The following MAL2 variants were observed in gnomAD, a reference collection of about 807,000 sequenced individuals.
MAL2 encodes protein MAL2.
In MAL2, 17 loss-of-function variants were observed where a neutral mutation model predicts 18.1. That is an observed-to-expected ratio of 0.94 (90% CI 0.64 to 1.41). The LOEUF is 1.41. MAL2 is among the 40% of genes most tolerant of loss of function. The probability of loss-of-function intolerance (pLI) is 0.00; values close to 1 mark genes in which losing one functional copy is unlikely to be tolerated. For synonymous variants in MAL2, 102 were observed against 102.3 expected, an observed-to-expected ratio of 1.00 and a Z score of 0.02; for missense variants, 222 against 231.9, an observed-to-expected ratio of 0.96 and a Z score of 0.28.
intron 1 of MAL2, among the ~76,000 whole-genome samples, chr8:119,214,589 G>T (rs1817318103): frequency 6.6e-6 from 1 of 152,038 alleles, no homozygotes; most frequent in Non-Finnish European, 1.5e-5. Flanking sequence ...AAATCGAGAG[G>T]AATTATTATA....
intron 2 of MAL2, among the ~76,000 whole-genome samples, chr8:119,225,915 CTTCTT>C (rs1327061931): frequency 1.2e-4 from 19 of 152,126 alleles, no homozygotes; most frequent in Non-Finnish European, 2.5e-4. Flanking sequence ...GCATAAATGT[CTTCTT>C]TTGAGAAGTG....
chr8:119,242,435 T>C (rs777293842), intron 3 of MAL2, among the ~76,000 whole-genome samples: 1 of 152,174 alleles, frequency 6.6e-6, no homozygotes, highest in Middle Eastern at 3.2e-3. Flanking sequence ...ATCTCTAGTT[T>C]GAGTTTTATT....
At position 119,208,535 on chromosome 8, in the gene MAL2, C is replaced by T; in HGVS notation, c.63C>T (p.Pro21=). The T allele has an allele frequency of 7.2e-7, 1 of 1,394,212 alleles. No individual in the cohort carries two copies. The highest frequency in any genetic ancestry group is 9.3e-7 in the Non-Finnish European group (1 of 1,069,646). The allele number at this position is 1,394,212 out of a possible 1,614,324, so 86.4% of individuals were successfully genotyped here. The change falls in exon 1 of 4, where the codon CCC becomes CCT. Residue 21 remains proline (P), a synonymous_variant. Transcript: ENST00000614891. This position sits in a 1 kb window ranked among gnomAD's most constrained non-coding sequence, Gnocchi z 4.3. The stretch of plus-strand genomic sequence containing the variant: ...ACCCCGCCGTGTCCTTCCCGCCGCC[C>T]CGGGTCACCCTGCCCGCCGGCCCCG... The part of the protein sequence containing the change: ...PPNPAVSFPP[P]RVTLPAGPDI...
chr8:119,208,589 C>G lies in MAL2; in HGVS notation c.117C>G (p.Phe39Leu), dbSNP rs1452883949. The change falls in exon 1 of 4, where the codon TTC (phenylalanine) becomes TTG (leucine). Residue 39 changes from phenylalanine (F) to leucine (L), a missense_variant. Coordinates refer to ENST00000614891, the MANE Select transcript of MAL2 (RefSeq NM_052886.3). The surrounding 1 kb of genome is among the most constrained non-coding windows in gnomAD (Gnocchi z 4.3). ...PDILRTYSGA[F>L]VCLEILFGGL... ...TCCTGCGGACCTACTCGGGCGCCTTCGTCTGCCTGGAGATTGTAAGTGGGG... is the reference window on the plus strand; with the variant it reads ...TCCTGCGGACCTACTCGGGCGCCTTGGTCTGCCTGGAGATTGTAAGTGGGG... The G allele has an allele frequency of 7.2e-7, 1 of 1,380,660 alleles. No homozygotes were observed. The highest frequency in any genetic ancestry group is 9.4e-7 in the Non-Finnish European group (1 of 1,063,476). 85.5% of individuals were successfully genotyped at this position (1,380,660 alleles called of 1,614,324 possible).
At chr8:119,228,290 T>G (rs1817638549) in intron 2 of MAL2, among the ~76,000 whole-genome samples, 1 of 152,144 alleles carries the variant, frequency 6.6e-6, no homozygotes, top group Non-Finnish European at 1.5e-5. Flanking sequence ...TGCTGTATCC[T>G]CTGTCCTTGT....
chr8:119,231,662 A>G (rs1817732606), intron 2 of MAL2, among the ~76,000 whole-genome samples: 1 of 152,226 alleles, frequency 6.6e-6, no homozygotes, highest in South Asian at 2.1e-4. Context: ...ACCATTATTC[A>G]AAACGCCAAG....
intron 2 of MAL2, among the ~76,000 whole-genome samples, chr8:119,226,298 C>A (rs1157481273): frequency 1.3e-5 from 2 of 151,900 alleles, no homozygotes; most frequent in African/African-American, 4.8e-5. Flanking sequence ...TTCAATCCAT[C>A]TTGAATTAAT....
intron 2 of MAL2, among the ~76,000 whole-genome samples, chr8:119,235,313 T>A (rs960268582): frequency 1.3e-5 from 2 of 152,124 alleles, no homozygotes; most frequent in African/African-American, 2.4e-5. Flanking sequence ...AAAGACCAAA[T>A]CTACGTCTGA....
At chr8:119,240,452 T>C in intron 3 of MAL2, 132 bp downstream of exon 3, 1 of 917,522 alleles carries the variant, frequency 1.1e-6, no homozygotes, top group Non-Finnish European at 1.6e-6. Context: ...AATAGCTATT[T>C]ATCTGTACAA....
At position 119,210,456 on chromosome 8, in the gene MAL2, A is replaced by G. The variant is rs1168380507; in HGVS notation, c.132+1852A>G. On this transcript the variant is annotated intron_variant, in intron 1 of 3. Transcript: ENST00000614891. ...AAATCTAGCCCAGAGGTTAGTTCTC[A>G]ATTCTTGCTGTACTTAATAACTTGA... Among the ~76,000 whole-genome samples, 3 of 151,660 alleles carry G rather than the reference A, an allele frequency of 2.0e-5. No homozygotes were observed. In the East Asian group the frequency reaches 5.9e-4, roughly 30 times the overall value.
chr8:119,237,165 C>T (rs570047128), intron 2 of MAL2, among the ~76,000 whole-genome samples: 384 of 151,926 alleles, frequency 2.5e-3, no homozygotes, highest in South Asian at 4.4e-3. Flanking sequence ...AACACCTCTA[C>T]ACAAATAAAC....
At chr8:119,229,929 G>A (rs1817681105) in intron 2 of MAL2, among the ~76,000 whole-genome samples, 1 of 152,276 alleles carries the variant, frequency 6.6e-6, no homozygotes, top group East Asian at 1.9e-4. Flanking sequence ...ACCTGCTCTT[G>A]CAGTTACCTC....
chr8:119,211,841 CT>C (rs1817272166), intron 1 of MAL2, among the ~76,000 whole-genome samples: 1 of 151,174 alleles, frequency 6.6e-6, no homozygotes, highest in Admixed American at 6.6e-5. Context: ...TATTGCAAAG[CT>C]AAGCCTTTTA....
intron 2 of MAL2, among the ~76,000 whole-genome samples, chr8:119,226,062 A>T (rs997814679): frequency 1.3e-5 from 2 of 151,982 alleles, no homozygotes; most frequent in African/African-American, 2.4e-5. Flanking sequence ...CCCATTCTGT[A>T]AAAAATTTTC....
At position 119,208,368 on chromosome 8, in the gene MAL2, C is replaced by G. The variant is rs1175153492; in HGVS notation, c.-105C>G. On this transcript the variant is annotated 5_prime_UTR_variant, in exon 1 of 4. Transcript: ENST00000614891. The surrounding 1 kb of genome is among the most constrained non-coding windows in gnomAD (Gnocchi z 4.3). ...CACGCCTCCTCCCGCGCGGCGCGCC[C>G]GGAGCCCGCGGAGCTGAGCGGCGGC... 4 of 584,816 alleles carry G rather than the reference C, an allele frequency of 6.8e-6. No individual in the cohort carries two copies. The highest frequency in any genetic ancestry group is 1.4e-4 in the East Asian group (1 of 7,132). 36.2% of individuals were successfully genotyped at this position (584,816 alleles called of 1,614,324 possible).
intron 2 of MAL2, chr8:119,224,197 A>C (rs1817532775): frequency 6.6e-6 from 1 of 152,194 alleles, no homozygotes; most frequent in African/African-American, 2.4e-5. Context: ...TTATATAAAT[A>C]GTGAAATAAA....
At chr8:119,241,153 C>G (rs548932753) in intron 3 of MAL2, among the ~76,000 whole-genome samples, 1 of 152,118 alleles carries the variant, frequency 6.6e-6, no homozygotes, top group Non-Finnish European at 1.5e-5. Flanking sequence ...TCTAGTAGAA[C>G]TTTCTATAAT....
At chr8:119,227,773 A>G (rs1206744258) in intron 2 of MAL2, among the ~76,000 whole-genome samples, 2 of 152,174 alleles carry the variant, frequency 1.3e-5, no homozygotes, top group Non-Finnish European at 2.9e-5. Context: ...TCCTGAAGAA[A>G]GACTTAAAGG....
chr8:119,240,176 C>G lies in MAL2; in HGVS notation c.315C>G (p.Tyr105Ter), dbSNP rs1259199433. Residue 105 changes from tyrosine to a stop codon, truncating the protein, a stop_gained, in exon 3 of 4, where the codon TAC becomes TAG. Transcript: ENST00000614891. LOFTEE classifies it high-confidence loss of function. ...DANWNFLDFA[Y>*]HFTVFVFYFG... is the part of the protein sequence containing the mutation. Reference sequence around the variant, plus strand: ...CTCTCCTCTTTTAGGATTTTGCCTACCATTTTACAGTATTTGTCTTCTATT... The same window carrying G: ...CTCTCCTCTTTTAGGATTTTGCCTAGCATTTTACAGTATTTGTCTTCTATT... 7.4e-6 allele frequency: 12 copies of G among 1,612,760 alleles called. No homozygotes were observed. Among genetic ancestry groups the G allele is most frequent in the Non-Finnish European group, 1.0e-5 (12 of 1,179,378 alleles).
Sources: gnomAD v4.1 joint callset for allele counts (sites outside exome capture counted in the v4.1 genomes callset) on GRCh38, gnomAD v4.1.1 for gene constraint, Gnocchi (gnomAD v3.1) non-coding constraint, MANE v1.5 for transcripts, NCBI Gene and HGNC (gene_info 2026-07-23, HGNC 2026-07-21) for gene names.